The following TDRD12 variants were observed in gnomAD, a reference collection of about 807,000 sequenced individuals.
The protein encoded by TDRD12 is putative ATP-dependent RNA helicase TDRD12.
A neutral mutation model predicts 133.5 loss-of-function variants in TDRD12; 158 were observed. The ratio of observed to expected loss-of-function variants is 1.18; its 90% CI spans 1.04 to 1.35. The LOEUF (loss-of-function observed/expected upper bound fraction) is 1.35. TDRD12 is among the 40% of genes most tolerant of loss of function. The probability of loss-of-function intolerance (pLI) is 0.00; values close to 1 mark genes in which losing one functional copy is unlikely to be tolerated. For missense variants in TDRD12, 1,443 were observed against 1,321.3 expected (o/e 1.09, Z -1.43); for synonymous variants, 460 against 477.9 (o/e 0.96, Z 0.49).
At chr19:32,734,379 T>A (rs982503833) in intron 2 of TDRD12, among the ~76,000 whole-genome samples, 4 of 151,640 alleles carry the variant, frequency 2.6e-5, no homozygotes, top group Non-Finnish European at 5.9e-5. Context: ...CTTTTCTTTT[T>A]TTTTTTTGAA....
chr19:32,808,073 T>A (rs934780600), intron 22 of TDRD12, among the ~76,000 whole-genome samples: 10 of 152,284 alleles, frequency 6.6e-5, no homozygotes, highest in South Asian at 2.1e-4. Flanking sequence ...ACAGATTTTT[T>A]AAAAAATAAT....
chr19:32,762,578 A>G (rs1183571763), intron 8 of TDRD12, among the ~76,000 whole-genome samples: 1 of 152,190 alleles, frequency 6.6e-6, no homozygotes, highest in African/African-American at 2.4e-5. Flanking sequence ...ATGGCAGGTT[A>G]TTTCAGTAGC....
chr19:32,782,826 C>T (rs1014478486), intron 11 of TDRD12, among the ~76,000 whole-genome samples: 19 of 152,056 alleles, frequency 1.2e-4, no homozygotes, highest in Non-Finnish European at 2.6e-4. Flanking sequence ...TTGCTTTTTT[C>T]CTGTAAATTT....
chr19:32,813,991 G>A (rs560202898), intron 25 of TDRD12, among the ~76,000 whole-genome samples: 6 of 152,312 alleles, frequency 3.9e-5, no homozygotes, highest in Non-Finnish European at 5.9e-5. Context: ...TAACCCCAGC[G>A]CACACGTGCA....
rs1371224353 is a variant in TDRD12 at position 32,738,888 on chromosome 19, CT to C, written c.217del (p.Trp73GlyfsTer39). On this transcript the variant is annotated frameshift_variant, in exon 3 of 28. Transcript: ENST00000444215. LOFTEE classifies it high-confidence loss of function. ...TGGTCTATTGTGAGGAGCTAAAGTG[CT>C]GGTGCAGGGCCATTGTCAAATCAAT... is the stretch of plus-strand genomic sequence containing the variant. 3 of 1,551,224 alleles carry C rather than the reference CT, an allele frequency of 1.9e-6. No homozygotes were observed. The highest frequency in any genetic ancestry group is 2.6e-6 in the Non-Finnish European group (3 of 1,146,994).
intron 21 of TDRD12, among the ~76,000 whole-genome samples, chr19:32,806,290 T>C (rs1164069714): frequency 6.6e-6 from 1 of 151,926 alleles, no homozygotes; most frequent in Non-Finnish European, 1.5e-5. Flanking sequence ...TATGGTACAT[T>C]AAATGTGTTA....
rs746434830 is a variant in TDRD12, at chr19:32,790,524, C to A, written c.1122-7C>A. 4 of 1,551,208 alleles carry A rather than the reference C, an allele frequency of 2.6e-6. No homozygotes were observed. The East Asian group carries it at 9.8e-5, about 38-fold the overall frequency. On this transcript the variant is annotated splice_polypyrimidine_tract_variant and splice_region_variant and intron_variant, in intron 11 of 27. Coordinates refer to ENST00000444215, the Ensembl canonical transcript of TDRD12. The stretch of plus-strand genomic sequence containing the variant: ...TTCTTCACATTCTTCTTTTAACTAT[C>A]TTACAGATTACTGCAGTTTTTAAAT...
At chr19:32,818,133 C>T (rs1967247802) in exon 27 of TDRD12, 1 of 702,476 alleles carries the variant, frequency 1.4e-6, no homozygotes, top group Non-Finnish European at 2.6e-6. Context: ...CAGGATCATC[C>T]ATCCGAGGAG....
intron 11 of TDRD12, among the ~76,000 whole-genome samples, chr19:32,787,256 A>T (rs1036564537): frequency 2.0e-5 from 3 of 152,144 alleles, no homozygotes; most frequent in African/African-American, 7.2e-5. Context: ...GAGGCTGCAG[A>T]ACAGCAAATA....
At chr19:32,822,757 A>G (rs945197820), downstream of TDRD12, among the ~76,000 whole-genome samples, 2 of 151,356 alleles carry the variant, frequency 1.3e-5, no homozygotes, top group Non-Finnish European at 2.9e-5. Flanking sequence ...AAAAAAAAAA[A>G]GATAAATGGG....
At chr19:32,772,657 A>G (rs1253147589) in intron 8 of TDRD12, 96 bp from the exon 9 acceptor site, 2 of 686,210 alleles carry the variant, frequency 2.9e-6, no homozygotes, top group East Asian at 6.6e-5. Flanking sequence ...TTAAGATTTT[A>G]TAATGGTATT....
At chr19:32,734,037 A>T (rs1362873128) in intron 2 of TDRD12, among the ~76,000 whole-genome samples, 2 of 151,650 alleles carry the variant, frequency 1.3e-5, no homozygotes, top group African/African-American at 4.8e-5. Flanking sequence ...GACTACAGGC[A>T]CCTGCCACCA....
intron 1 of TDRD12, among the ~76,000 whole-genome samples, chr19:32,721,686 A>G (rs532752234): frequency 1.4e-5 from 2 of 138,108 alleles, no homozygotes; most frequent in African/African-American, 5.6e-5. Context: ...GGCCTATTTT[A>G]TTTTATTTTA....
intron 25 of TDRD12, among the ~76,000 whole-genome samples, chr19:32,814,558 G>C (rs1313970420): frequency 2.0e-5 from 3 of 152,124 alleles, no homozygotes; most frequent in Non-Finnish European, 4.4e-5. Flanking sequence ...GAGGAGATTT[G>C]GGCATCTTAG....
At chr19:32,723,320 G>C (rs979898117) in intron 1 of TDRD12, among the ~76,000 whole-genome samples, 2 of 150,788 alleles carry the variant, frequency 1.3e-5, no homozygotes, top group Admixed American at 1.3e-4. Flanking sequence ...GTGTGATCTC[G>C]GCACAGTGCA....
At chr19:32,744,802 TC>T (rs1969552904) in intron 4 of TDRD12, among the ~76,000 whole-genome samples, 1 of 151,934 alleles carries the variant, frequency 6.6e-6, no homozygotes, top group Non-Finnish European at 1.5e-5. Context: ...TCTTCTCCCT[TC>T]CCGGGACGAT....
chr19:32,727,952 G>A (rs989598454), intron 1 of TDRD12, among the ~76,000 whole-genome samples: 1 of 152,178 alleles, frequency 6.6e-6, no homozygotes, highest in Admixed American at 6.5e-5. Context: ...ACAGGTGTGA[G>A]CCATTTTGTC....
exon 10 of TDRD12, chr19:32,827,374 T>A: frequency 3.3e-5 from 7 of 210,074 alleles, no homozygotes; most frequent in Non-Finnish European, 5.1e-5. Flanking sequence ...TTTCTTTTCT[T>A]TTTTTTTTTT....
At chr19:32,742,314 G>A (rs1426887350) in intron 3 of TDRD12, among the ~76,000 whole-genome samples, 1 of 151,942 alleles carries the variant, frequency 6.6e-6, no homozygotes, top group Non-Finnish European at 1.5e-5. Context: ...GCACCACCAC[G>A]CCCACCTAAT....
Sources: gnomAD v4.1 joint callset for allele counts (sites outside exome capture counted in the v4.1 genomes callset) on GRCh38, gnomAD v4.1.1 for gene constraint, MANE v1.5 for transcripts, NCBI Gene and HGNC (gene_info 2026-07-23, HGNC 2026-07-21) for gene names.